The following ARID4A variants were observed in gnomAD, a reference collection of about 807,000 sequenced individuals.
ARID4A encodes AT-rich interactive domain-containing protein 4A.
In ARID4A, 39 loss-of-function variants were observed where a neutral mutation model predicts 148.6. The ratio of observed to expected loss-of-function variants is 0.26; its 90% CI spans 0.20 to 0.34. The LOEUF is 0.34. Among genes scored for constraint, ARID4A ranks in the 10% least tolerant of loss-of-function variants. The probability of loss-of-function intolerance (pLI) is 1.00; values close to 1 mark genes in which losing one functional copy is unlikely to be tolerated. For synonymous variants in ARID4A, 475 were observed against 481.2 expected (o/e 0.99, Z 0.17); for missense variants, 1,265 against 1,449.1 (o/e 0.87, Z 2.06).
At chr14:58,320,538 GGTTCTTGA>G (rs1465033143) in intron 7 of ARID4A, among the ~76,000 whole-genome samples, 1 of 151,272 alleles carries the variant, frequency 6.6e-6, no homozygotes, top group Non-Finnish European at 1.5e-5. Flanking sequence ...TAGTTTATAT[GGTTCTTGA>G]GTCTCCTTTA....
At chr14:58,345,900 T>G (rs986736568) in intron 12 of ARID4A, among the ~76,000 whole-genome samples, 8 of 151,444 alleles carry the variant, frequency 5.3e-5, no homozygotes, top group Non-Finnish European at 8.8e-5. Flanking sequence ...TCAGCTAATG[T>G]TTTCCTTTTA....
chr14:58,323,468 G>C lies in ARID4A; in HGVS notation c.450-17G>C, dbSNP rs2033028763. On this transcript the variant is annotated splice_polypyrimidine_tract_variant and intron_variant, in intron 7 of 23. Coordinates refer to ENST00000355431, the MANE Select transcript of ARID4A (RefSeq NM_002892.4). The stretch of plus-strand genomic sequence containing the variant: ...TTGTTTGTGTTAGGATAATGATCAA[G>C]TTATTCTAACTTTTAGTACTGAAGA... The C allele has an allele frequency of 6.3e-7, 1 of 1,599,740 alleles. No homozygotes were observed. Among genetic ancestry groups the C allele is most frequent in the African/African-American group, 1.3e-5 (1 of 74,646 alleles).
At chr14:58,300,962 AT>A (rs1217506111) in intron 2 of ARID4A, among the ~76,000 whole-genome samples, 1 of 152,114 alleles carries the variant, frequency 6.6e-6, no homozygotes, top group East Asian at 1.9e-4. Flanking sequence ...AGTAACGCTT[AT>A]TTTTTTATAC....
intron 16 of ARID4A, among the ~76,000 whole-genome samples, chr14:58,352,026 A>G (rs1340886725): frequency 6.6e-6 from 1 of 152,238 alleles, no homozygotes; most frequent in Admixed American, 6.5e-5. Flanking sequence ...AAATGGATTT[A>G]CTAATTTTAG....
At chr14:58,318,684 A>G (rs750032170) in intron 6 of ARID4A, 27 bp from the exon 7 acceptor site, 1 of 1,613,156 alleles carries the variant, frequency 6.2e-7, no homozygotes, top group South Asian at 1.1e-5. Context: ...GGTAAAACGT[A>G]ATTTAATTAA....
chr14:58,325,126 A>G (rs768236529), intron 8 of ARID4A, among the ~76,000 whole-genome samples: 2 of 152,214 alleles, frequency 1.3e-5, no homozygotes, highest in Non-Finnish European at 2.9e-5. Context: ...GAATTATTTC[A>G]GAGAGGAATA....
chr14:58,357,431 T>G (rs2034928461), intron 17 of ARID4A, among the ~76,000 whole-genome samples: 1 of 152,208 alleles, frequency 6.6e-6, no homozygotes, highest in African/African-American at 2.4e-5. Context: ...CCATGGTAAC[T>G]GGCTTATAAA....
At chr14:58,337,075 A>G (rs2033853255) in intron 11 of ARID4A, among the ~76,000 whole-genome samples, 1 of 150,394 alleles carries the variant, frequency 6.6e-6, no homozygotes, top group African/African-American at 2.4e-5. Flanking sequence ...TGCTTTTAGT[A>G]GGGACGAGGT....
chr14:58,304,893 T>A (rs1204145849), intron 3 of ARID4A, 51 bp from the exon 4 acceptor site: 5 of 1,411,818 alleles, frequency 3.5e-6, no homozygotes, highest in African/African-American at 1.4e-5. Context: ...TTACTATAAA[T>A]GTATTTGTTT....
At position 58,299,877 on chromosome 14, in the gene ARID4A, C is replaced by G; in HGVS notation, c.6+17C>G. The G allele has an allele frequency of 6.2e-7, 1 of 1,614,228 alleles. No homozygotes were observed. Among genetic ancestry groups the G allele is most frequent in the Non-Finnish European group, 8.5e-7 (1 of 1,180,030 alleles). ...AAAATGAAGGTAAGTGGAGTCAACTCTGCCCCGATCCTCGCGCCCTGAACA... is the reference window on the plus strand; with the variant it reads ...AAAATGAAGGTAAGTGGAGTCAACTGTGCCCCGATCCTCGCGCCCTGAACA... On this transcript the variant is annotated intron_variant, in intron 2 of 23. Transcript: ENST00000355431.
chr14:58,306,810 C>T (rs372408484), intron 5 of ARID4A, among the ~76,000 whole-genome samples: 3 of 152,080 alleles, frequency 2.0e-5, no homozygotes, highest in African/African-American at 4.8e-5. Context: ...ACCTGGGAGG[C>T]GGAGGTTGCA....
At chr14:58,358,711 A>G (rs2035000405) in intron 17 of ARID4A, among the ~76,000 whole-genome samples, 1 of 152,168 alleles carries the variant, frequency 6.6e-6, no homozygotes, top group Admixed American at 6.5e-5. Context: ...TAACTTGATA[A>G]AATAACCTGA....
At chr14:58,344,179 T>C (rs1349488459) in intron 11 of ARID4A, among the ~76,000 whole-genome samples, 1 of 152,226 alleles carries the variant, frequency 6.6e-6, no homozygotes, top group African/African-American at 2.4e-5. Flanking sequence ...TATTTAAATA[T>C]CTTTAAAACA....
chr14:58,364,842 C>A lies in ARID4A; in HGVS notation c.2753C>A (p.Ser918Ter). Residue 918 changes from serine to a stop codon, truncating the protein, a stop_gained, in exon 20 of 24, where the codon TCA becomes TAA. Transcript: ENST00000355431. LOFTEE classifies it high-confidence loss of function. ...NEGMPSLIAESNQCIQQLTSE... is the reference protein window; with the variant it reads ...NEGMPSLIAE ...GGAATGCCATCATTGATAGCAGAGT[C>A]AAACCAATGCATCCAACAACTGACT... The A allele has an allele frequency of 6.2e-7, 1 of 1,614,026 alleles. No individual in the cohort carries two copies. The highest frequency in any genetic ancestry group is 1.1e-5 in the South Asian group (1 of 91,054).
At chr14:58,337,246 T>TTATATATATATATATATATATAATATA in intron 11 of ARID4A, among the ~76,000 whole-genome samples, 1 of 83,818 alleles carries the variant, frequency 1.2e-5, no homozygotes, top group East Asian at 3.1e-4. Flanking sequence ...TTCTCTTTAT[T>TTATATATATATATATATATATAATATA]TATATATATA....
At chr14:58,306,393 C>G (rs1183823465) in intron 5 of ARID4A, among the ~76,000 whole-genome samples, 1 of 152,122 alleles carries the variant, frequency 6.6e-6, no homozygotes, top group East Asian at 1.9e-4. Context: ...TGATTGTGAT[C>G]ACTTTTTCTA....
intron 16 of ARID4A, 116 bp downstream of exon 16, chr14:58,351,439 C>G: frequency 7.4e-7 from 1 of 1,354,058 alleles, no homozygotes; most frequent in Non-Finnish European, 1.0e-6. Context: ...TTCCGTTCCT[C>G]TTGTCTAATG....
intron 11 of ARID4A, among the ~76,000 whole-genome samples, chr14:58,333,914 GA>G (rs2033663379): frequency 6.6e-6 from 1 of 152,250 alleles, no homozygotes; most frequent in South Asian, 2.1e-4. Flanking sequence ...AGTTGCCAAT[GA>G]AGCATTTCTA....
intron 5 of ARID4A, among the ~76,000 whole-genome samples, chr14:58,306,571 G>T (rs1207132811): frequency 6.6e-6 from 1 of 152,144 alleles, no homozygotes; most frequent in Non-Finnish European, 1.5e-5. Flanking sequence ...GATACAGTGT[G>T]GGTGCTCATA....
Sources: gnomAD v4.1 joint callset for allele counts (sites outside exome capture counted in the v4.1 genomes callset) on GRCh38, gnomAD v4.1.1 for gene constraint, MANE v1.5 for transcripts, NCBI Gene and HGNC (gene_info 2026-07-23, HGNC 2026-07-21) for gene names.